The following STK32A variants were observed in gnomAD, a reference collection of about 807,000 sequenced individuals.
STK32A encodes serine/threonine kinase 32A, also known as serine/threonine-protein kinase 32A.
In STK32A, 41 loss-of-function variants were observed where a neutral mutation model predicts 53.2. The ratio of observed to expected loss-of-function variants is 0.77; its 90% CI spans 0.60 to 1.00. The LOEUF is 1.00. Among genes scored for constraint, STK32A ranks in the 50% least tolerant of loss-of-function variants. The pLI is 0.00. For synonymous variants in STK32A, 166 were observed against 162.8 expected (o/e 1.02, Z -0.15); for missense variants, 458 against 485.8 (o/e 0.94, Z 0.54).
At chr5:147,277,240 C>CA (rs1329518960) in intron 2 of STK32A, among the ~76,000 whole-genome samples, 1 of 152,092 alleles carries the variant, frequency 6.6e-6, no homozygotes, top group Non-Finnish European at 1.5e-5. Flanking sequence ...ATCCTTATTT[C>CA]AAAAACCAGG....
At position 147,357,073 on chromosome 5, in the gene STK32A, C is replaced by T. The variant is rs1477346983; in HGVS notation, c.563-4444C>T. ...CACATGTTAATTAGCTCTATTCAGC[C>T]ATTCTAAAATGTATTTATTTCAAAA... On this transcript the variant is annotated intron_variant, in intron 7 of 12. Transcript: ENST00000397936. 2.0e-5 allele frequency among the ~76,000 whole-genome samples: 3 copies of T among 152,030 alleles called. No homozygotes were observed. In the East Asian group the frequency reaches 5.8e-4, roughly 29 times the overall value.
At chr5:147,336,591 T>C (rs1457297435) in intron 5 of STK32A, among the ~76,000 whole-genome samples, 1 of 152,174 alleles carries the variant, frequency 6.6e-6, no homozygotes, top group African/African-American at 2.4e-5. Flanking sequence ...GTTTAGATCA[T>C]TTGTCCAAGA....
At chr5:147,285,013 G>T (rs1004064670) in intron 4 of STK32A, among the ~76,000 whole-genome samples, 2 of 152,046 alleles carry the variant, frequency 1.3e-5, no homozygotes, top group South Asian at 4.1e-4. Context: ...TAAGCAAAAA[G>T]ATCAAATCTG....
intron 5 of STK32A, among the ~76,000 whole-genome samples, chr5:147,331,440 A>G (rs2151981819): frequency 6.6e-6 from 1 of 152,340 alleles, no homozygotes; most frequent in South Asian, 2.1e-4. Context: ...TGTTCTAGGT[A>G]TAGACGCTCT....
chr5:147,297,852 T>A (rs1752939129), intron 4 of STK32A, among the ~76,000 whole-genome samples: 1 of 151,954 alleles, frequency 6.6e-6, no homozygotes, highest in Non-Finnish European at 1.5e-5. Flanking sequence ...TGGTGGCACG[T>A]GCCTGTAATC....
chr5:147,361,904 G>A (rs956016705), intron 8 of STK32A, among the ~76,000 whole-genome samples: 1 of 152,154 alleles, frequency 6.6e-6, no homozygotes. Flanking sequence ...TAAATATCTT[G>A]TGTAAATATC....
intron 2 of STK32A, among the ~76,000 whole-genome samples, chr5:147,256,541 C>T (rs1202424831): frequency 2.6e-5 from 4 of 152,058 alleles, no homozygotes; most frequent in Admixed American, 2.0e-4. Flanking sequence ...GACGGAGTTT[C>T]GCTCTTGTTG....
intron 2 of STK32A, among the ~76,000 whole-genome samples, chr5:147,261,795 A>C (rs954207991): frequency 6.6e-6 from 1 of 152,218 alleles, no homozygotes; most frequent in African/African-American, 2.4e-5. Context: ...AGGAACCCTG[A>C]AAATTATATA....
At position 147,310,302 on chromosome 5, in the gene STK32A, G is replaced by A. The variant is rs1173524034; in HGVS notation, c.261-13596G>A. Among the ~76,000 whole-genome samples, 3 of 152,158 alleles carry A rather than the reference G, an allele frequency of 2.0e-5. No homozygotes were observed. In the East Asian group the frequency reaches 5.8e-4, roughly 29 times the overall value. ...AGAGAGCCTGGGATGAAGGCGTGAA[G>A]GCTGAGTAAGAATCTCTTCACTTGG... On this transcript the variant is annotated intron_variant, in intron 4 of 12. Coordinates refer to ENST00000397936, the MANE Select transcript of STK32A (RefSeq NM_001112724.2).
At chr5:147,356,397 T>C (rs1413336925) in intron 7 of STK32A, among the ~76,000 whole-genome samples, 16 of 152,174 alleles carry the variant, frequency 1.1e-4, no homozygotes, top group Admixed American at 1.0e-3. Flanking sequence ...ATTAATGTAG[T>C]ATATTGTATA....
rs780461431 is a variant in STK32A, at chr5:147,361,580, T to C, written c.626T>C (p.Leu209Pro). 1.1e-5 allele frequency: 17 copies of C among 1,613,320 alleles called. No homozygotes were observed. The African/African-American group carries it at 1.2e-4, about 11-fold the overall frequency. The change falls in exon 8 of 13, where the codon CTG (leucine) becomes CCG (proline). Residue 209 changes from leucine to proline, a missense_variant. By Grantham distance (98) the Leu-to-Pro change is moderately conservative. Transcript: ENST00000397936. ...GYSFAVDWWSLGVTAYELLRG... is the reference protein window; with the variant it reads ...GYSFAVDWWSPGVTAYELLRG... ...TCCTTTGCTGTTGACTGGTGGTCCC[T>C]GGGAGTGACGGCATATGAACTGCTG... is the stretch of plus-strand genomic sequence containing the variant.
intron 4 of STK32A, among the ~76,000 whole-genome samples, chr5:147,283,116 A>C (rs576044569): frequency 6.6e-6 from 1 of 152,226 alleles, no homozygotes; most frequent in South Asian, 2.1e-4. Context: ...CAGTGGAATA[A>C]AACTGGAAAT....
Position 147,375,153 on chromosome 5 carries a change from C to T in STK32A, c.967C>T (p.Leu323=). The change falls in exon 11 of 13, where the codon CTA becomes TTA. Residue 323 remains leucine, a synonymous_variant. Coordinates refer to ENST00000397936, the MANE Select transcript of STK32A (RefSeq NM_001112724.2). Reference sequence around the variant, plus strand: ...GGAAATGATTTTGGAGTCCAAACCTCTACATAAGAAAAAAAAGCGTCTGGC... The same window carrying T: ...GGAAATGATTTTGGAGTCCAAACCTTTACATAAGAAAAAAAAGCGTCTGGC... ...LEEMILESKP[L]HKKKKRLAKK... is the part of the protein sequence containing the mutation. The T allele has an allele frequency of 6.2e-7, 1 of 1,610,202 alleles. No homozygotes were observed. Among genetic ancestry groups the T allele is most frequent in the Non-Finnish European group, 8.5e-7 (1 of 1,178,308 alleles).
chr5:147,367,590 G>C (rs1209215924), intron 8 of STK32A, among the ~76,000 whole-genome samples: 1 of 152,090 alleles, frequency 6.6e-6, no homozygotes, highest in African/African-American at 2.4e-5. Flanking sequence ...GTGGGCAGGG[G>C]TGAGGATCAC....
chr5:147,278,011 T>C, intron 2 of STK32A, 113 bp from the exon 3 acceptor site: 1 of 875,362 alleles, frequency 1.1e-6, no homozygotes, highest in Non-Finnish European at 1.8e-6. Context: ...TTTAAGGTAG[T>C]CTGAGATCAT....
rs116861267 is a variant in STK32A at position 147,288,609 on chromosome 5, G to A, written c.260+9211G>A. Among the ~76,000 whole-genome samples the A allele has an allele frequency of 2.6e-5, 4 of 152,088 alleles. No homozygotes were observed. The East Asian group carries it at 5.8e-4, about 22-fold the overall frequency. The stretch of plus-strand genomic sequence containing the variant: ...AAAAGGGGAGCAGGGCATCTCACAT[G>A]GTGGGAGCAGGAGCAAGAGAGAGGA... On this transcript the variant is annotated intron_variant, in intron 4 of 12. Transcript: ENST00000397936.
chr5:147,330,990 G>T (rs1269573193), intron 5 of STK32A, among the ~76,000 whole-genome samples: 1 of 152,106 alleles, frequency 6.6e-6, no homozygotes, highest in Non-Finnish European at 1.5e-5. Flanking sequence ...TACTATCTTA[G>T]CAGTCACATT....
chr5:147,311,565 G>C (rs1477149479), intron 4 of STK32A, among the ~76,000 whole-genome samples: 6 of 152,076 alleles, frequency 3.9e-5, no homozygotes, highest in Non-Finnish European at 7.4e-5. Flanking sequence ...GATTTCTGAA[G>C]TGTTTTGTTT....
intron 1 of STK32A, among the ~76,000 whole-genome samples, chr5:147,235,941 G>A (rs971521299): frequency 6.6e-6 from 1 of 152,096 alleles, no homozygotes; most frequent in Non-Finnish European, 1.5e-5. Context: ...ATTAACTTGG[G>A]CATTTTTCAT....
Sources: allele counts gnomAD v4.1 joint callset (sites outside exome capture counted in the v4.1 genomes callset), GRCh38; gene constraint gnomAD v4.1.1; transcripts MANE v1.5; gene names NCBI Gene and HGNC (gene_info 2026-07-23, HGNC 2026-07-21).